ACACA: variants seen among roughly 807,000 people sequenced by gnomAD.
The protein encoded by ACACA is acetyl-CoA carboxylase 1.
A neutral mutation model predicts 296.1 loss-of-function variants in ACACA; 103 were observed. The ratio of observed to expected loss-of-function variants is 0.35; its 90% CI spans 0.30 to 0.41. ACACA has a LOEUF of 0.41. ACACA is among the 10% of genes least tolerant of loss of function. The pLI, the probability that ACACA is intolerant of heterozygous loss-of-function variation, is 1.00. For synonymous variants in ACACA, 953 were observed against 1,038.6 expected, an observed-to-expected ratio of 0.92 and a Z score of 1.58; for missense variants, 1,554 against 2,989.7, an observed-to-expected ratio of 0.52 and a Z score of 11.20.
At chr17:37,234,508 C>A (rs890881331) in intron 25 of ACACA, among the ~76,000 whole-genome samples, 1 of 151,936 alleles carries the variant, frequency 6.6e-6, no homozygotes, top group Non-Finnish European at 1.5e-5. Context: ...AAAAAGGGAC[C>A]AATGAAGATG....
chr17:37,158,010 T>C (rs1277960610), intron 42 of ACACA, among the ~76,000 whole-genome samples: 30 of 152,142 alleles, frequency 2.0e-4, no homozygotes, highest in Admixed American at 1.9e-3. Flanking sequence ...ATTCTGGATA[T>C]ATTTTAAGGT....
intron 3 of ACACA, among the ~76,000 whole-genome samples, chr17:37,303,444 T>C (rs1022466853): frequency 5.3e-5 from 8 of 152,248 alleles, no homozygotes; most frequent in African/African-American, 1.7e-4. Flanking sequence ...TTAATAATGT[T>C]ATGAACATTC....
intron 3 of ACACA, among the ~76,000 whole-genome samples, chr17:37,319,540 A>C (rs2047247401): frequency 6.6e-6 from 1 of 152,112 alleles, no homozygotes; most frequent in African/African-American, 2.4e-5. Flanking sequence ...TATTTTTTCT[A>C]GGCTGGGCAC....
At chr17:37,405,846 C>T (rs955345414) in intron 1 of ACACA, among the ~76,000 whole-genome samples, 2 of 144,640 alleles carry the variant, frequency 1.4e-5, no homozygotes, top group Non-Finnish European at 3.0e-5. Flanking sequence ...GCCACCGCGC[C>T]CGGCAGGGCT....
chr17:37,110,427 T>C (rs575804473), intron 52 of ACACA, among the ~76,000 whole-genome samples: 1 of 152,364 alleles, frequency 6.6e-6, no homozygotes, highest in Admixed American at 6.5e-5. Flanking sequence ...ACAACTCTCA[T>C]TTCTTGTATG....
chr17:37,184,724 C>T (rs936267762), intron 39 of ACACA, among the ~76,000 whole-genome samples: 24 of 151,816 alleles, frequency 1.6e-4, no homozygotes, highest in African/African-American at 5.8e-4. Context: ...TGGTAGACGC[C>T]TTTAGTCCCA....
chr17:37,138,882 G>A (rs1179666029), intron 45 of ACACA, among the ~76,000 whole-genome samples: 1 of 152,174 alleles, frequency 6.6e-6, no homozygotes, highest in East Asian at 1.9e-4. Flanking sequence ...GAGGTGGTAG[G>A]GAGCTGCAAA....
At chr17:37,303,394 A>C (rs1325505241) in intron 3 of ACACA, among the ~76,000 whole-genome samples, 1 of 152,222 alleles carries the variant, frequency 6.6e-6, no homozygotes, top group Non-Finnish European at 1.5e-5. Flanking sequence ...ATACATCATC[A>C]GTTAATGGAT....
At chr17:37,268,725 CTATCTATCTATCTATCTA>C (rs375300131) in intron 10 of ACACA, among the ~76,000 whole-genome samples, 21,152 of 110,780 alleles carry the variant, frequency 0.19, 1,842 homozygotes, top group Admixed American at 0.34. Flanking sequence ...ATCTATCTAT[CTATCTATCTATCTATCTA>C]TATATATATA....
chr17:37,251,377 G>GT (rs1196245510), intron 16 of ACACA, among the ~76,000 whole-genome samples: 1 of 152,108 alleles, frequency 6.6e-6, no homozygotes, highest in Non-Finnish European at 1.5e-5. Context: ...TTTAAATTTT[G>GT]TTTCTTTTCT....
intron 14 of ACACA, among the ~76,000 whole-genome samples, chr17:37,256,867 C>G (rs940535192): frequency 6.6e-6 from 1 of 151,872 alleles, no homozygotes; most frequent in Non-Finnish European, 1.5e-5. Flanking sequence ...CTAATAAACA[C>G]TTATTAATTA....
chr17:37,247,819 G>A, intron 18 of ACACA, 192 bp downstream of exon 18: 1 of 640,294 alleles, frequency 1.6e-6, no homozygotes, highest in Non-Finnish European at 2.7e-6. Flanking sequence ...ACACTGGAGT[G>A]GTAGGGAGAC....
At chr17:37,399,881 TATTTA>T (rs1420646270) in intron 1 of ACACA, among the ~76,000 whole-genome samples, 1 of 152,086 alleles carries the variant, frequency 6.6e-6, no homozygotes, top group Non-Finnish European at 1.5e-5. Flanking sequence ...AAATTTATTT[TATTTA>T]ATTTACTTAT....
intron 2 of ACACA, among the ~76,000 whole-genome samples, chr17:37,335,280 T>A (rs956653367): frequency 3.3e-5 from 5 of 152,126 alleles, no homozygotes; most frequent in Admixed American, 3.3e-4. Flanking sequence ...TCCCTATACC[T>A]GAACAATGGA....
Position 37,230,921 on chromosome 17 carries a change from GT to G in ACACA, c.3246+4053del, listed in dbSNP as rs549817255. On this transcript the variant is annotated intron_variant, in intron 25 of 55. Transcript: ENST00000616317. ...ATCCCAATCCACCAACCAAAGGTCT[GT>G]TCCAACTGTCCAGAGTCATAAAACG... Among the ~76,000 whole-genome samples the G allele has an allele frequency of 3.8e-4, 58 of 152,334 alleles. No individual in the cohort carries two copies. The South Asian group carries it at 0.011, about 28-fold the overall frequency.
At position 37,406,724 on chromosome 17, in the gene ACACA, T is replaced by C; in HGVS notation, c.-425A>G. The C allele has an allele frequency of 4.8e-6, 1 of 209,664 alleles. No homozygotes were observed. The highest frequency in any genetic ancestry group is 9.6e-6 in the Non-Finnish European group (1 of 103,632). 13.0% of individuals were successfully genotyped at this position (209,664 alleles called of 1,614,324 possible). A position where few individuals can be genotyped will look rare whatever the true frequency, so the allele number is the denominator to read the frequency against. On this transcript the variant is annotated 5_prime_UTR_variant, in exon 1 of 56. Transcript: ENST00000616317. ...CGGCTCAGCCCCATCCTCCCAGTCC[T>C]CGGGCACGGGGACAGCAGCAGGCGC...
chr17:37,122,426 C>T, intron 49 of ACACA, 105 bp downstream of exon 49: 1 of 939,062 alleles, frequency 1.1e-6, no homozygotes, highest in Non-Finnish European at 1.8e-6. Flanking sequence ...TGCTGATGCC[C>T]TTCCCTCTAA....
chr17:37,209,593 T>C (rs2078659245), intron 30 of ACACA, among the ~76,000 whole-genome samples: 1 of 152,198 alleles, frequency 6.6e-6, no homozygotes, highest in South Asian at 2.1e-4. Flanking sequence ...AAGCATTCCC[T>C]TTCCTCTCCA....
chr17:37,351,371 G>A (rs1445149242), intron 1 of ACACA, among the ~76,000 whole-genome samples: 6 of 152,188 alleles, frequency 3.9e-5, no homozygotes, highest in African/African-American at 1.4e-4. Context: ...GCTGAGGCAC[G>A]AGAATTGCTT....
Sources: allele counts gnomAD v4.1 joint callset (sites outside exome capture counted in the v4.1 genomes callset), GRCh38; gene constraint gnomAD v4.1.1; transcripts MANE v1.5; gene names NCBI Gene and HGNC (gene_info 2026-07-23, HGNC 2026-07-21).